Variants in KCNC2 observed in about 807,000 individuals in gnomAD.
KCNC2 encodes the protein voltage-gated potassium channel KCNC2.
A neutral mutation model predicts 44.5 loss-of-function variants in KCNC2; 21 were observed. The ratio of observed to expected loss-of-function variants is 0.47; its 90% CI spans 0.33 to 0.68. The LOEUF (loss-of-function observed/expected upper bound fraction) is 0.68. KCNC2 is among the 30% of genes least tolerant of loss of function. The pLI, the probability that KCNC2 is intolerant of heterozygous loss-of-function variation, is 0.01. For synonymous variants in KCNC2, 391 were observed against 339.1 expected (o/e 1.15, Z -1.68); for missense variants, 589 against 826.2 (o/e 0.71, Z 3.52).
chr12:75,144,493 T>C (rs1889874452), intron 2 of KCNC2, among the ~76,000 whole-genome samples: 1 of 152,162 alleles, frequency 6.6e-6, no homozygotes, highest in Admixed American at 6.6e-5. Flanking sequence ...TGCTTGTAGT[T>C]CCAGCTACCT....
At chr12:75,061,007 A>C (rs914321266) in intron 2 of KCNC2, among the ~76,000 whole-genome samples, 5 of 152,154 alleles carry the variant, frequency 3.3e-5, no homozygotes, top group Non-Finnish European at 5.9e-5. Context: ...AAATCTGGTC[A>C]AAATTAACCA....
chr12:75,185,821 G>A (rs1424747305), intron 2 of KCNC2, among the ~76,000 whole-genome samples: 1 of 152,000 alleles, frequency 6.6e-6, no homozygotes, highest in Non-Finnish European at 1.5e-5. Context: ...TGAGGCAGGT[G>A]GATCACCTGA....
chr12:75,191,555 TTTTTTGG>T (rs2030261988), intron 2 of KCNC2, among the ~76,000 whole-genome samples: 2 of 67,632 alleles, frequency 3.0e-5, no homozygotes, highest in African/African-American at 1.5e-4. Context: ...TTTTTTTTTT[TTTTTTGG>T]AGACGGAGTC....
intron 2 of KCNC2, among the ~76,000 whole-genome samples, chr12:75,127,803 T>G (rs908875669): frequency 6.6e-6 from 1 of 152,134 alleles, no homozygotes; most frequent in African/African-American, 2.4e-5. Flanking sequence ...ATGATGAACA[T>G]CTTCTTTAAT....
chr12:75,156,826 CATTATCATACCCAAAT>C (rs1189107698), intron 2 of KCNC2, among the ~76,000 whole-genome samples: 3 of 151,812 alleles, frequency 2.0e-5, no homozygotes, highest in Non-Finnish European at 4.4e-5. Context: ...TTCTTTATAT[CATTATCATACCCAAAT>C]AATATCACAC....
intron 2 of KCNC2, among the ~76,000 whole-genome samples, chr12:75,154,986 T>C (rs1294237816): frequency 6.6e-6 from 1 of 151,912 alleles, no homozygotes; most frequent in Non-Finnish European, 1.5e-5. Flanking sequence ...TTCAACACAC[T>C]TTTTTACTGA....
intron 2 of KCNC2, among the ~76,000 whole-genome samples, chr12:75,159,617 A>G (rs1022980115): frequency 1.1e-4 from 17 of 151,854 alleles, no homozygotes; most frequent in African/African-American, 4.1e-4. Context: ...CTTAAACTCA[A>G]TTTCTAACAT....
intron 2 of KCNC2, among the ~76,000 whole-genome samples, chr12:75,080,496 A>G (rs576808867): frequency 6.6e-6 from 1 of 152,178 alleles, no homozygotes; most frequent in Non-Finnish European, 1.5e-5. Context: ...CATAGAGTTC[A>G]GTGCAACACC....
intron 2 of KCNC2, among the ~76,000 whole-genome samples, chr12:75,198,311 G>A (rs1032935134): frequency 5.9e-5 from 9 of 151,670 alleles, no homozygotes; most frequent in African/African-American, 2.2e-4. Context: ...TTTAGATGAT[G>A]GTGATAGGTT....
chr12:75,197,300 T>C (rs2030856147), intron 2 of KCNC2, among the ~76,000 whole-genome samples: 1 of 152,160 alleles, frequency 6.6e-6, no homozygotes, highest in Non-Finnish European at 1.5e-5. Context: ...TTATTCTGTC[T>C]TTGCCATGTT....
intron 2 of KCNC2, among the ~76,000 whole-genome samples, chr12:75,198,324 C>A (rs542678556): frequency 6.6e-6 from 1 of 151,906 alleles, no homozygotes; most frequent in African/African-American, 2.4e-5. Context: ...GATAGGTTCA[C>A]TCAGGCCTAA....
At chr12:75,179,010 C>T (rs1892379994) in intron 2 of KCNC2, among the ~76,000 whole-genome samples, 1 of 151,446 alleles carries the variant, frequency 6.6e-6, no homozygotes, top group South Asian at 2.1e-4. Flanking sequence ...ACAAACAAAA[C>T]AGTAGAAGGA....
In KCNC2 at chr12:75,051,645, A is replaced by G. The variant is rs141254477; in HGVS notation, c.688-328T>C. ...CTGTAAAGGAATTGCAAATGAAAAC[A>G]CACCAAAACAAAAGAGAAATTTAGA... is the stretch of plus-strand genomic sequence containing the variant. On this transcript the variant is annotated intron_variant, in intron 2 of 4. Transcript: ENST00000549446. 3.3e-5 allele frequency among the ~76,000 whole-genome samples: 5 copies of G among 152,274 alleles called. No homozygotes were observed. The East Asian group carries it at 9.7e-4, about 29-fold the overall frequency.
At position 75,048,162 on chromosome 12, in the gene KCNC2, T is replaced by G; in HGVS notation, c.1771A>C (p.Ile591Leu). The G allele has an allele frequency of 6.2e-7, 1 of 1,612,742 alleles. No individual in the cohort carries two copies. ...GDYTCASDGG[I>L]RKGYEKSRSL... ...TTAAATGCATGCCTACCTTTCCTGA[T>G]CCCTCCATCAGAAGCACACGTGTAA... is the stretch of plus-strand genomic sequence containing the variant. Residue 591 changes from isoleucine (I) to leucine (L), a missense_variant, in exon 4 of 5, where the codon ATC (isoleucine) becomes CTC (leucine). Transcript: ENST00000549446.
intron 2 of KCNC2, among the ~76,000 whole-genome samples, chr12:75,169,928 A>G (rs1326437431): frequency 6.6e-6 from 1 of 151,654 alleles, no homozygotes; most frequent in Non-Finnish European, 1.5e-5. Context: ...ATTGCTTGTG[A>G]TTACTTTTTC....
At chr12:75,129,133 A>G (rs1249436982) in intron 2 of KCNC2, among the ~76,000 whole-genome samples, 1 of 152,144 alleles carries the variant, frequency 6.6e-6, no homozygotes, top group Non-Finnish European at 1.5e-5. Flanking sequence ...AACTCCTCTC[A>G]AGCTACTGTC....
chr12:75,087,485 C>T (rs957108920), intron 2 of KCNC2, among the ~76,000 whole-genome samples: 9 of 152,028 alleles, frequency 5.9e-5, no homozygotes, highest in African/African-American at 2.2e-4. Context: ...ATGTTTAAAC[C>T]TCTAATAATC....
chr12:75,182,570 C>A (rs1306599986), intron 2 of KCNC2, among the ~76,000 whole-genome samples: 1 of 150,222 alleles, frequency 6.7e-6, no homozygotes, highest in Non-Finnish European at 1.5e-5. Context: ...ACAGAAAGCA[C>A]TGACTGACTC....
At chr12:75,106,020 G>A (rs1241657295) in intron 2 of KCNC2, among the ~76,000 whole-genome samples, 1 of 151,808 alleles carries the variant, frequency 6.6e-6, no homozygotes, top group Non-Finnish European at 1.5e-5. Flanking sequence ...CAATCATTAG[G>A]ATACTGTGGA....
Sources: allele counts gnomAD v4.1 joint callset (sites outside exome capture counted in the v4.1 genomes callset), GRCh38; gene constraint gnomAD v4.1.1; transcripts MANE v1.5; gene names NCBI Gene and HGNC (gene_info 2026-07-23, HGNC 2026-07-21).